AMPH: variants seen among roughly 807,000 people sequenced by gnomAD.
AMPH encodes the protein amphiphysin, also known as amphiphysin (Stiff-Mann syndrome with breast cancer 128kD autoantigen).
In AMPH, 49 loss-of-function variants were observed where a neutral mutation model predicts 99.1. That is an observed-to-expected ratio of 0.49 (90% confidence interval 0.39 to 0.63). The LOEUF (loss-of-function observed/expected upper bound fraction) is 0.63. Among genes scored for constraint, AMPH ranks in the 20% least tolerant of loss-of-function variants. AMPH has a pLI of 0.00. For missense variants in AMPH, 759 were observed against 863.4 expected (o/e 0.88, Z 1.52); for synonymous variants, 314 against 317.3 (o/e 0.99, Z 0.11).
intron 11 of AMPH, among the ~76,000 whole-genome samples, chr7:38,437,702 G>C (rs900141784): frequency 6.6e-6 from 1 of 151,730 alleles, no homozygotes; most frequent in Non-Finnish European, 1.5e-5. Context: ...TACTTGGGAG[G>C]CTGAGGCAGG....
At chr7:38,630,899 C>A (rs914286203) in intron 1 of AMPH, among the ~76,000 whole-genome samples, 40 of 150,440 alleles carry the variant, frequency 2.7e-4, no homozygotes, top group African/African-American at 9.3e-4. Flanking sequence ...GGAGCCGGCC[C>A]GGGGAGATGC....
chr7:38,516,590 G>A (rs1296466387), intron 2 of AMPH, among the ~76,000 whole-genome samples: 4 of 152,242 alleles, frequency 2.6e-5, no homozygotes, highest in Non-Finnish European at 5.9e-5. Context: ...TACTAGGGCA[G>A]TGCCAAGAAG....
intron 2 of AMPH, among the ~76,000 whole-genome samples, chr7:38,506,790 G>C (rs1168815219): frequency 6.6e-6 from 1 of 152,070 alleles, no homozygotes; most frequent in Admixed American, 6.5e-5. Context: ...TTAAGAAGTC[G>C]GATAAAAAAA....
chr7:38,384,555 A>G lies in AMPH; in HGVS notation c.*263T>C. 1 of 350,056 alleles carries G rather than the reference A, an allele frequency of 2.9e-6. No individual in the cohort carries two copies. The highest frequency in any genetic ancestry group is 5.4e-6 in the Non-Finnish European group (1 of 185,284). 21.7% of individuals were successfully genotyped at this position (350,056 alleles called of 1,614,324 possible). A position where few individuals can be genotyped will look rare whatever the true frequency, so the allele number is the denominator to read the frequency against. Reference sequence around the variant, plus strand: ...ACTTTAGAATTGGTGGGAGGGGATCAAGTACAAGAGTCTCCACAGCTTGGA... The same window carrying G: ...ACTTTAGAATTGGTGGGAGGGGATCGAGTACAAGAGTCTCCACAGCTTGGA... On this transcript the variant is annotated 3_prime_UTR_variant, in exon 21 of 21. Coordinates refer to ENST00000356264, the MANE Select transcript of AMPH (RefSeq NM_001635.4).
At chr7:38,386,187 G>A (rs369398207) in intron 20 of AMPH, among the ~76,000 whole-genome samples, 1 of 152,196 alleles carries the variant, frequency 6.6e-6, no homozygotes, top group Non-Finnish European at 1.5e-5. Flanking sequence ...CCTAGCTGAT[G>A]AGGAAAAGTG....
At chr7:38,434,716 G>C (rs1043303397) in intron 12 of AMPH, among the ~76,000 whole-genome samples, 3 of 149,518 alleles carry the variant, frequency 2.0e-5, no homozygotes, top group Non-Finnish European at 4.4e-5. Context: ...TCCAGCCTGG[G>C]CATCAGAGTA....
intron 3 of AMPH, among the ~76,000 whole-genome samples, chr7:38,497,798 G>A (rs1788985699): frequency 1.3e-5 from 2 of 152,148 alleles, no homozygotes; most frequent in South Asian, 4.1e-4. Flanking sequence ...GAGCAAGGAT[G>A]GGAACAAGAG....
chr7:38,629,300 G>A (rs1015335011), intron 1 of AMPH, among the ~76,000 whole-genome samples: 4 of 152,182 alleles, frequency 2.6e-5, no homozygotes, highest in Non-Finnish European at 4.4e-5. Context: ...CCCTGGGGAA[G>A]AGCCTATACT....
intron 1 of AMPH, among the ~76,000 whole-genome samples, chr7:38,620,364 C>CGTCTGTG (rs1794012839): frequency 8.8e-6 from 1 of 114,098 alleles, no homozygotes; most frequent in African/African-American, 3.0e-5. Flanking sequence ...GTGTGTGTGT[C>CGTCTGTG]TGTGTGTGTG....
chr7:38,520,761 G>A (rs192941351), intron 2 of AMPH, among the ~76,000 whole-genome samples: 2 of 152,322 alleles, frequency 1.3e-5, no homozygotes, highest in East Asian at 3.9e-4. Context: ...GATCCGGGAA[G>A]GAAGGGCAGT....
intron 16 of AMPH, 36 bp downstream of exon 16, chr7:38,422,385 A>T: frequency 1.3e-6 from 2 of 1,571,900 alleles, no homozygotes. Context: ...GTGATAACTA[A>T]CAACTTCCTG....
At chr7:38,465,811 T>A (rs1197760691) in intron 8 of AMPH, among the ~76,000 whole-genome samples, 1 of 152,196 alleles carries the variant, frequency 6.6e-6, no homozygotes, top group African/African-American at 2.4e-5. Context: ...AGCTTACTGT[T>A]TACATTGACT....
chr7:38,578,742 T>A (rs963254634), intron 1 of AMPH, among the ~76,000 whole-genome samples: 7 of 152,182 alleles, frequency 4.6e-5, no homozygotes, highest in Non-Finnish European at 1.0e-4. Context: ...CACTCCAGCT[T>A]GAGCTACAGA....
intron 1 of AMPH, among the ~76,000 whole-genome samples, chr7:38,553,950 G>A (rs1791270256): frequency 6.6e-6 from 1 of 152,192 alleles, no homozygotes; most frequent in Non-Finnish European, 1.5e-5. Context: ...AAGAGCTGGG[G>A]CTCTTTAAGC....
rs555193719 is a variant in AMPH, at chr7:38,449,907, A to G, written c.1017+11376T>C. Reference sequence around the variant, plus strand: ...GTTCATAACTGCAGGCTGGCCTCTCAGGATTACATGGGTGAAAAAACCATT... The same window carrying G: ...GTTCATAACTGCAGGCTGGCCTCTCGGGATTACATGGGTGAAAAAACCATT... On this transcript the variant is annotated intron_variant, in intron 11 of 20. Coordinates refer to ENST00000356264, the MANE Select transcript of AMPH (RefSeq NM_001635.4). Among the ~76,000 whole-genome samples the G allele has an allele frequency of 1.1e-4, 16 of 152,342 alleles. No individual in the cohort carries two copies. In the South Asian group the frequency reaches 3.3e-3, roughly 32 times the overall value.
At chr7:38,625,160 A>G (rs1433262700) in intron 1 of AMPH, among the ~76,000 whole-genome samples, 2 of 152,156 alleles carry the variant, frequency 1.3e-5, no homozygotes, top group African/African-American at 4.8e-5. Flanking sequence ...TCCATTCCTC[A>G]ACCCCAACAC....
rs78109742 is a variant in AMPH, at chr7:38,477,163, C to T, written c.397-194G>A. Among the ~76,000 whole-genome samples the T allele has an allele frequency of 4.0e-3, 605 of 151,970 alleles. 6 individuals carry two copies. Among genetic ancestry groups the T allele is most frequent in the African/African-American group, 0.014 (589 of 41,436 alleles). Reference sequence around the variant, plus strand: ...CACCTCCAATCCTTTGTGTTGAAGCCATTAGATAAATATCTTCCCTTTTGA... The same window carrying T: ...CACCTCCAATCCTTTGTGTTGAAGCTATTAGATAAATATCTTCCCTTTTGA... On this transcript the variant is annotated intron_variant, in intron 5 of 20. Transcript: ENST00000356264.
intron 3 of AMPH, among the ~76,000 whole-genome samples, chr7:38,500,243 G>A (rs1419348150): frequency 6.6e-6 from 1 of 152,148 alleles, no homozygotes. Context: ...GCATATTAAG[G>A]GCTCTGAGAA....
At chr7:38,385,911 C>T (rs1270231967) in intron 20 of AMPH, among the ~76,000 whole-genome samples, 1 of 152,120 alleles carries the variant, frequency 6.6e-6, no homozygotes, top group Non-Finnish European at 1.5e-5. Context: ...TTATGTTAAC[C>T]AGTGCAGAAA....
Sources: allele counts gnomAD v4.1 joint callset (sites outside exome capture counted in the v4.1 genomes callset), GRCh38; gene constraint gnomAD v4.1.1; transcripts MANE v1.5; gene names NCBI Gene and HGNC (gene_info 2026-07-23, HGNC 2026-07-21).